Variants in CCDC178 observed in about 807,000 individuals in gnomAD.
CCDC178 encodes the protein coiled-coil domain-containing protein 178.
In CCDC178, 126 loss-of-function variants were observed where a neutral mutation model predicts 117.4. The observed-to-expected ratio is 1.07, with a 90% CI of 0.93 to 1.24. CCDC178 has a LOEUF of 1.24. Among genes scored for constraint, CCDC178 ranks in the 50% most tolerant of loss-of-function variants. The pLI is 0.00. For missense variants in CCDC178, 1,030 were observed against 986.9 expected (o/e 1.04, Z -0.59); for synonymous variants, 283 against 313.4 (o/e 0.90, Z 1.02).
intron 5 of CCDC178, among the ~76,000 whole-genome samples, chr18:33,382,487 C>G (rs2063448748): frequency 6.6e-6 from 1 of 152,040 alleles, no homozygotes; most frequent in South Asian, 2.1e-4. Context: ...ACTGAGGTAC[C>G]CAGTTCATCT....
At chr18:33,256,466 T>C (rs72951032) in intron 14 of CCDC178, among the ~76,000 whole-genome samples, 1 of 152,036 alleles carries the variant, frequency 6.6e-6, no homozygotes, top group East Asian at 1.9e-4. Flanking sequence ...GCTGTCCCTA[T>C]AGAATACATT....
chr18:33,284,961 A>G (rs1317331638), intron 12 of CCDC178, among the ~76,000 whole-genome samples: 4 of 152,052 alleles, frequency 2.6e-5, no homozygotes, highest in Non-Finnish European at 4.4e-5. Flanking sequence ...ATTAAACATG[A>G]AAAACAGGGA....
At position 33,348,357 on chromosome 18, in the gene CCDC178, A is replaced by G. The variant is rs566409441; in HGVS notation, c.457+533T>C. Among the ~76,000 whole-genome samples, 15 of 151,992 alleles carry G rather than the reference A, an allele frequency of 9.9e-5. No homozygotes were observed. In the South Asian group the frequency reaches 2.9e-3, roughly 29 times the overall value. Reference sequence around the variant, plus strand: ...TAACACAAATTTTATACCTGTATATAAAATATATATTTTATAAATTGTGAT... The same window carrying G: ...TAACACAAATTTTATACCTGTATATGAAATATATATTTTATAAATTGTGAT... On this transcript the variant is annotated intron_variant, in intron 8 of 22. Transcript: ENST00000383096.
At chr18:32,952,820 C>A (rs1422672993) in intron 22 of CCDC178, among the ~76,000 whole-genome samples, 1 of 146,268 alleles carries the variant, frequency 6.8e-6, no homozygotes, top group Non-Finnish European at 1.5e-5. Context: ...GTTGCCCAGG[C>A]TGGAGTGCAG....
intron 21 of CCDC178, among the ~76,000 whole-genome samples, chr18:32,994,374 A>G (rs2055457571): frequency 6.6e-6 from 1 of 152,190 alleles, no homozygotes; most frequent in Non-Finnish European, 1.5e-5. Context: ...CAAAACACCA[A>G]AAACTTTAAA....
intron 14 of CCDC178, among the ~76,000 whole-genome samples, chr18:33,255,486 T>C (rs1370914997): frequency 6.6e-6 from 1 of 152,018 alleles, no homozygotes; most frequent in African/African-American, 2.4e-5. Context: ...TTTATTTTAT[T>C]GGTAATTGAA....
chr18:33,248,720 T>C (rs1269797727), intron 14 of CCDC178, among the ~76,000 whole-genome samples: 1 of 152,122 alleles, frequency 6.6e-6, no homozygotes, highest in Non-Finnish European at 1.5e-5. Context: ...AGTGCCGCAA[T>C]AAACATACGT....
At chr18:32,998,957 G>T (rs2055574502) in intron 21 of CCDC178, among the ~76,000 whole-genome samples, 1 of 151,974 alleles carries the variant, frequency 6.6e-6, no homozygotes, top group African/African-American at 2.4e-5. Context: ...AAAGGAGAGG[G>T]AAGAGGAAAA....
At chr18:33,331,625 T>C (rs1382117425) in intron 10 of CCDC178, among the ~76,000 whole-genome samples, 2 of 152,012 alleles carry the variant, frequency 1.3e-5, no homozygotes, top group Non-Finnish European at 2.9e-5. Context: ...AGAAATACAA[T>C]GAGAAAAGGG....
intron 6 of CCDC178, among the ~76,000 whole-genome samples, chr18:33,360,374 T>C (rs1429009770): frequency 2.6e-5 from 4 of 151,430 alleles, no homozygotes; most frequent in Non-Finnish European, 4.4e-5. Context: ...GATGGACAGA[T>C]ACCAATCGTT....
chr18:33,179,112 C>CTATATATATATA (rs554694009), intron 20 of CCDC178, among the ~76,000 whole-genome samples: 2 of 43,530 alleles, frequency 4.6e-5, no homozygotes, highest in South Asian at 6.5e-4. Flanking sequence ...TATATATAAA[C>CTATATATATATA]TATATATATA....
intron 15 of CCDC178, among the ~76,000 whole-genome samples, chr18:33,232,001 T>C (rs1321281810): frequency 6.6e-6 from 1 of 152,166 alleles, no homozygotes; most frequent in Non-Finnish European, 1.5e-5. Context: ...AAGGGCCAGA[T>C]AGTAAATATT....
chr18:33,088,907 G>C (rs1369163453), intron 21 of CCDC178, among the ~76,000 whole-genome samples: 1 of 152,120 alleles, frequency 6.6e-6, no homozygotes, highest in Non-Finnish European at 1.5e-5. Context: ...TGTGTAATGT[G>C]TTAAATCACT....
At chr18:33,096,558 G>A (rs2057547097) in intron 20 of CCDC178, among the ~76,000 whole-genome samples, 1 of 151,626 alleles carries the variant, frequency 6.6e-6, no homozygotes, top group African/African-American at 2.4e-5. Flanking sequence ...AAATTACCCA[G>A]GATAGTAAAT....
At chr18:33,102,128 C>T (rs1342502499) in intron 20 of CCDC178, among the ~76,000 whole-genome samples, 1 of 151,710 alleles carries the variant, frequency 6.6e-6, no homozygotes, top group African/African-American at 2.4e-5. Context: ...CAATTTGGTG[C>T]AAGTCCTTCA....
chr18:32,974,882 C>T (rs950901757), intron 21 of CCDC178, among the ~76,000 whole-genome samples: 4 of 152,098 alleles, frequency 2.6e-5, no homozygotes, highest in Non-Finnish European at 4.4e-5. Context: ...CACATCTGGC[C>T]GCCAGGATGG....
rs139675357 is a variant in CCDC178 at position 33,237,314 on chromosome 18, A to G, written c.1593+7931T>C. 2.0e-3 allele frequency among the ~76,000 whole-genome samples: 297 copies of G among 152,204 alleles called. 1 individual carries two copies. Among genetic ancestry groups the G allele is most frequent in the Middle Eastern group, 0.014 (4 of 294 alleles). On this transcript the variant is annotated intron_variant, in intron 15 of 22. Coordinates refer to ENST00000383096, the MANE Select transcript of CCDC178 (RefSeq NM_001105528.4). ...GCACTTCCATCTAGGAAAGGATCTGAGTCCCACCCAGGGCAAACCCACCCT... is the reference window on the plus strand; with the variant it reads ...GCACTTCCATCTAGGAAAGGATCTGGGTCCCACCCAGGGCAAACCCACCCT...
At chr18:33,355,527 G>A (rs1185749303) in intron 7 of CCDC178, among the ~76,000 whole-genome samples, 1 of 152,222 alleles carries the variant, frequency 6.6e-6, no homozygotes, top group Non-Finnish European at 1.5e-5. Flanking sequence ...CTAAAGGTCA[G>A]CCAGAAGTAA....
At chr18:33,163,678 G>T (rs1035907204) in intron 20 of CCDC178, among the ~76,000 whole-genome samples, 7 of 152,148 alleles carry the variant, frequency 4.6e-5, no homozygotes, top group African/African-American at 1.7e-4. Context: ...AAAATAATTT[G>T]CATTTGACAT....
Sources: gnomAD v4.1 joint callset for allele counts (sites outside exome capture counted in the v4.1 genomes callset) on GRCh38, gnomAD v4.1.1 for gene constraint, MANE v1.5 for transcripts, NCBI Gene and HGNC (gene_info 2026-07-23, HGNC 2026-07-21) for gene names.